Variants in ZNF335 observed in about 807,000 individuals in gnomAD.
The protein encoded by ZNF335 is NRC-interacting factor 1.
Under a neutral mutation model 145.6 loss-of-function variants are expected in ZNF335, and 84 were observed. The ratio of observed to expected loss-of-function variants is 0.58; its 90% CI spans 0.48 to 0.69. ZNF335 has a LOEUF of 0.69. Ranked by LOEUF, ZNF335 falls within the 30% of genes least tolerant of loss-of-function variation. The probability of loss-of-function intolerance (pLI) is 0.00; values close to 1 mark genes in which losing one functional copy is unlikely to be tolerated. For missense variants in ZNF335, 1,865 were observed against 1,809.7 expected (o/e 1.03, Z -0.55); for synonymous variants, 761 against 717.0 (o/e 1.06, Z -0.98).
At chr20:45,971,648 G>C in intron 1 of ZNF335, 188 bp from the exon 2 acceptor site, 1 of 985,500 alleles carries the variant, frequency 1.0e-6, no homozygotes, top group Non-Finnish European at 1.2e-6. Context: ...GTGCTTCCCA[G>C]GCTAAGGCCC....
chr20:45,951,260 G>A (rs1002366379), intron 20 of ZNF335, among the ~76,000 whole-genome samples: 4 of 152,208 alleles, frequency 2.6e-5, no homozygotes, highest in Non-Finnish European at 5.9e-5. Flanking sequence ...TGGGGCTCTA[G>A]GCCCTGCTTC....
chr20:45,958,054 T>TC, intron 15 of ZNF335, 126 bp from the exon 16 acceptor site: 1 of 719,348 alleles, frequency 1.4e-6, no homozygotes, highest in East Asian at 2.7e-5. Context: ...TAACCACTTT[T>TC]CTTTTTTTTT....
chr20:45,960,993 C>G (rs2083833625), intron 10 of ZNF335, 111 bp from the exon 11 acceptor site: 58 of 1,449,264 alleles, frequency 4.0e-5, no homozygotes, highest in Non-Finnish European at 5.4e-5. Flanking sequence ...TGCCAAGGCC[C>G]CTTTCTCTTA....
chr20:45,965,525 G>C (rs2083934688), intron 7 of ZNF335, 103 bp downstream of exon 7: 2 of 1,397,894 alleles, frequency 1.4e-6, no homozygotes, highest in Non-Finnish European at 1.9e-6. Flanking sequence ...TGAGACAGCT[G>C]CCCTGCAGGG....
Position 45,953,830 on chromosome 20 carries a change from C to T in ZNF335, c.2561G>A (p.Gly854Asp), listed in dbSNP as rs746005392. 1.2e-6 allele frequency: 2 copies of T among 1,614,048 alleles called. No homozygotes were observed. Among genetic ancestry groups the T allele is most frequent in the Non-Finnish European group, 1.7e-6 (2 of 1,180,038 alleles). Residue 854 changes from glycine to aspartate, a missense_variant, in exon 18 of 28, where the codon GGT becomes GAT. Transcript: ENST00000322927. ...GCCTAGCTGGCTCTCGGCTGCTGCA[C>T]CGCCCCCTGGCTCTGCCACGTGGAG... ...VTLHVAEPGG[G>D]AAAESQLGPP... is the part of the protein sequence containing the mutation.
At chr20:45,960,836 C>T (rs765562091) in intron 11 of ZNF335, 28 bp downstream of exon 11, 6 of 1,613,890 alleles carry the variant, frequency 3.7e-6, no homozygotes, top group Non-Finnish European at 5.1e-6. Context: ...GGGCAGGTTC[C>T]CTTCCCAGGC....
intron 15 of ZNF335, 111 bp from the exon 16 acceptor site, chr20:45,958,039 C>T (rs2083761189): frequency 3.7e-6 from 3 of 802,680 alleles, no homozygotes; most frequent in Non-Finnish European, 4.1e-6. Context: ...CTTGTTTCAT[C>T]TTCATAACCA....
chr20:45,957,069 G>A (rs952667271), intron 17 of ZNF335, among the ~76,000 whole-genome samples: 1 of 152,198 alleles, frequency 6.6e-6, no homozygotes, highest in Non-Finnish European at 1.5e-5. Flanking sequence ...TTGGAGACCA[G>A]GCCAGATGTG....
chr20:45,949,689 A>C (rs1296405811), intron 24 of ZNF335, 111 bp downstream of exon 24: 9 of 1,465,884 alleles, frequency 6.1e-6, no homozygotes, highest in African/African-American at 2.8e-5. Flanking sequence ...AGTTGTTGGC[A>C]AGCATGGACC....
At chr20:45,954,662 T>C (rs1480664262) in intron 17 of ZNF335, among the ~76,000 whole-genome samples, 1 of 149,924 alleles carries the variant, frequency 6.7e-6, no homozygotes, top group African/African-American at 2.5e-5. Context: ...AACTAAAAGC[T>C]AACAATAGAA....
At chr20:45,950,156 G>C (rs2083603685) in intron 22 of ZNF335, 63 bp downstream of exon 22, 1 of 1,588,416 alleles carries the variant, frequency 6.3e-7, no homozygotes, top group African/African-American at 1.3e-5. Context: ...TGCCTTTTGG[G>C]GCAGTGGCCC....
intron 9 of ZNF335, among the ~76,000 whole-genome samples, chr20:45,963,228 CTG>C (rs915719103): frequency 6.6e-6 from 1 of 152,196 alleles, no homozygotes; most frequent in African/African-American, 2.4e-5. Flanking sequence ...TATGCTGCCA[CTG>C]TGCACTGTGC....
In ZNF335 at chr20:45,963,734, A is replaced by C; in HGVS notation, c.1355+4T>G. ...TGCCCCACCCTCACCTCTGCTCCAC[A>C]TACTTGCGGTATTTCTTGCCTAGGA... is the stretch of plus-strand genomic sequence containing the variant. On this transcript the variant is annotated splice_donor_region_variant and intron_variant, in intron 8 of 27. Coordinates refer to ENST00000322927, the MANE Select transcript of ZNF335 (RefSeq NM_022095.4). 1.9e-6 allele frequency: 3 copies of C among 1,614,102 alleles called. No homozygotes were observed. Among genetic ancestry groups the C allele is most frequent in the Non-Finnish European group, 2.5e-6 (3 of 1,179,970 alleles).
chr20:45,965,007 G>C (rs564575649), intron 7 of ZNF335, among the ~76,000 whole-genome samples: 14 of 149,634 alleles, frequency 9.4e-5, no homozygotes, highest in African/African-American at 3.4e-4. Context: ...CTCCAGCCCG[G>C]GCAAGAGTGA....
chr20:45,967,823 A>G lies in ZNF335; in HGVS notation c.725T>C (p.Val242Ala). The change falls in exon 5 of 28, where the codon GTG (valine) becomes GCG (alanine). Residue 242 changes from valine (V) to alanine (A), a missense_variant. Val to Ala is a moderately conservative substitution (Grantham distance 64). Coordinates refer to ENST00000322927, the MANE Select transcript of ZNF335 (RefSeq NM_022095.4). ...SLEAMMEVVV[V>A]QQFKCKMCQY... ...GCACATCTTGCATTTGAACTGCTGC[A>G]CCACCACCACCTCCATCATGGCCTC... The G allele has an allele frequency of 1.9e-6, 3 of 1,613,372 alleles. No individual in the cohort carries two copies. The highest frequency in any genetic ancestry group is 2.5e-6 in the Non-Finnish European group (3 of 1,180,010).
chr20:45,961,453 G>A (rs1251988927), intron 10 of ZNF335: 4 of 150,764 alleles, frequency 2.7e-5, no homozygotes, highest in Non-Finnish European at 4.4e-5. Context: ...CTGCAAGCTG[G>A]TGAACCTACA....
intron 3 of ZNF335, 86 bp downstream of exon 3, chr20:45,969,365 T>C (rs2084015044): frequency 5.0e-6 from 7 of 1,389,694 alleles, no homozygotes; most frequent in Non-Finnish European, 5.7e-6. Context: ...GAAAGTAATC[T>C]GCCTGAGTTC....
In ZNF335 at chr20:45,949,342, C is replaced by G; in HGVS notation, c.3810G>C (p.Gln1270His). ...IQYEQGAPFL[Q>H]ESQIQYVPVS... is the part of the protein sequence containing the mutation. ...CCCCCCACGGCCCTACCTGGGACTC[C>G]TGAAGGAACGGGGCTCCTTGTTCAT... The change falls in exon 26 of 28, where the codon CAG (glutamine) becomes CAC (histidine). Residue 1270 changes from glutamine to histidine, a missense_variant. Physicochemically the swap from Gln to His is conservative, Grantham distance 24. Transcript: ENST00000322927. 1 of 1,614,150 alleles carries G rather than the reference C, an allele frequency of 6.2e-7. No homozygotes were observed. Among genetic ancestry groups the G allele is most frequent in the Non-Finnish European group, 8.5e-7 (1 of 1,180,022 alleles).
intron 2 of ZNF335, among the ~76,000 whole-genome samples, chr20:45,970,523 G>A (rs2084039261): frequency 6.6e-6 from 1 of 152,108 alleles, no homozygotes; most frequent in South Asian, 2.1e-4. Context: ...CTTTACAGAC[G>A]AGGAAACAGA....
Sources: allele counts gnomAD v4.1 joint callset (sites outside exome capture counted in the v4.1 genomes callset), GRCh38; gene constraint gnomAD v4.1.1; transcripts MANE v1.5; gene names NCBI Gene and HGNC (gene_info 2026-07-23, HGNC 2026-07-21).